The following FHIT variants were observed in gnomAD, a reference collection of about 807,000 sequenced individuals.
FHIT encodes fragile histidine triad diadenosine triphosphatase.
In FHIT, 19 loss-of-function variants were observed where a neutral mutation model predicts 17.9. The ratio of observed to expected loss-of-function variants is 1.06; its 90% confidence interval spans 0.74 to 1.56. FHIT has a LOEUF of 1.56. FHIT is among the 40% of genes most tolerant of loss of function. The pLI, the probability that FHIT is intolerant of heterozygous loss-of-function variation, is 0.00. For missense variants in FHIT, 248 were observed against 189.2 expected (o/e 1.31, Z -1.82); for synonymous variants, 81 against 69.7 (o/e 1.16, Z -0.81).
At chr3:60,225,264 G>C (rs73832509) in intron 5 of FHIT, among the ~76,000 whole-genome samples, 168 of 152,240 alleles carry the variant, frequency 1.1e-3, no homozygotes, top group African/African-American at 3.1e-3. Context: ...ATCCAGTGAC[G>C]TGGTTAACTA....
intron 3 of FHIT, among the ~76,000 whole-genome samples, chr3:60,873,289 T>C (rs2107080266): frequency 6.6e-6 from 1 of 152,318 alleles, no homozygotes; most frequent in Non-Finnish European, 1.5e-5. Context: ...TTGAAACTAT[T>C]GAGTGCTTTT....
rs1334854821 is a variant in FHIT at position 60,116,900 on chromosome 3, T to C, written c.104-102748A>G. On this transcript the variant is annotated intron_variant, in intron 5 of 9. Coordinates refer to ENST00000492590, the MANE Select transcript of FHIT (RefSeq NM_002012.4). Reference sequence around the variant, plus strand: ...AATTTCCCTTCTATTTTTTGAGTTATTTACCGCTAACAATCTCCCCTCTAG... The same window carrying C: ...AATTTCCCTTCTATTTTTTGAGTTACTTACCGCTAACAATCTCCCCTCTAG... Among the ~76,000 whole-genome samples, 4 of 152,248 alleles carry C rather than the reference T, an allele frequency of 2.6e-5. No individual in the cohort carries two copies. The East Asian group carries it at 7.7e-4, about 29-fold the overall frequency.
At chr3:61,053,096 G>C (rs1157294269) in intron 2 of FHIT, among the ~76,000 whole-genome samples, 1 of 152,118 alleles carries the variant, frequency 6.6e-6, no homozygotes, top group Admixed American at 6.5e-5. Context: ...AGAAGCACCA[G>C]GTGCCCCCGC....
chr3:59,781,834 G>A (rs1290549191), intron 8 of FHIT, among the ~76,000 whole-genome samples: 1 of 152,174 alleles, frequency 6.6e-6, no homozygotes, highest in Non-Finnish European at 1.5e-5. Flanking sequence ...CTACGGGATG[G>A]GGTAACCTTG....
At chr3:60,011,499 T>C in intron 6 of FHIT, 99 bp from the exon 7 acceptor site, 1 of 1,032,332 alleles carries the variant, frequency 9.7e-7, no homozygotes, top group South Asian at 1.3e-5. Context: ...GCAATTTCAT[T>C]GTGTGTTAAT....
intron 8 of FHIT, among the ~76,000 whole-genome samples, chr3:59,793,044 T>A (rs892342691): frequency 5.3e-5 from 8 of 151,946 alleles, no homozygotes; most frequent in Admixed American, 3.9e-4. Context: ...GGTCAGGGAG[T>A]GTATCTGCCC....
intron 7 of FHIT, among the ~76,000 whole-genome samples, chr3:60,001,136 A>G (rs972457166): frequency 6.6e-6 from 1 of 152,340 alleles, no homozygotes; most frequent in East Asian, 1.9e-4. Flanking sequence ...ATTAACCCAA[A>G]TCTGCAATAT....
At chr3:61,097,797 G>T (rs1450316454) in intron 2 of FHIT, among the ~76,000 whole-genome samples, 2 of 151,838 alleles carry the variant, frequency 1.3e-5, no homozygotes, top group Non-Finnish European at 2.9e-5. Context: ...TTTTAATGGG[G>T]TTGTTTTTCT....
intron 3 of FHIT, among the ~76,000 whole-genome samples, chr3:60,941,784 G>C (rs1708416595): frequency 6.6e-6 from 1 of 152,068 alleles, no homozygotes; most frequent in Non-Finnish European, 1.5e-5. Flanking sequence ...ACACTGCTTT[G>C]ATATATCATT....
intron 3 of FHIT, among the ~76,000 whole-genome samples, chr3:60,870,155 G>T (rs978246783): frequency 1.3e-5 from 2 of 152,068 alleles, no homozygotes; most frequent in Non-Finnish European, 2.9e-5. Context: ...TTTTCAGCAT[G>T]TATGAGCAAC....
intron 4 of FHIT, among the ~76,000 whole-genome samples, chr3:60,574,977 G>A (rs189863133): frequency 3.3e-5 from 5 of 151,942 alleles, no homozygotes; most frequent in East Asian, 1.9e-4. Flanking sequence ...TGGGAACATC[G>A]TTTGTGCCTG....
intron 5 of FHIT, among the ~76,000 whole-genome samples, chr3:60,272,449 G>A (rs1023474520): frequency 2.0e-5 from 3 of 152,162 alleles, no homozygotes; most frequent in Non-Finnish European, 4.4e-5. Context: ...AAAAGTCAGT[G>A]TGTGTCTGGG....
At chr3:60,284,033 T>C (rs984074501) in intron 5 of FHIT, among the ~76,000 whole-genome samples, 1 of 151,926 alleles carries the variant, frequency 6.6e-6, no homozygotes, top group African/African-American at 2.4e-5. Flanking sequence ...AGGGTCAGTA[T>C]GAATTAATAA....
In FHIT at chr3:60,968,260, G is replaced by T. The variant is rs1364069450; in HGVS notation, c.-111+73787C>A. ...TAGAATGCATAAACGTCACCTTGTG[G>T]CTTGTTAAAAACACAGATTCTTGCC... On this transcript the variant is annotated intron_variant, in intron 3 of 9. Coordinates refer to ENST00000492590, the MANE Select transcript of FHIT (RefSeq NM_002012.4). Among the ~76,000 whole-genome samples the T allele has an allele frequency of 3.3e-5, 5 of 152,286 alleles. No individual in the cohort carries two copies. The East Asian group carries it at 9.6e-4, about 29-fold the overall frequency.
chr3:60,447,911 G>C lies in FHIT; in HGVS notation c.103+88949C>G, dbSNP rs531329672. On this transcript the variant is annotated intron_variant, in intron 5 of 9. Transcript: ENST00000492590. Reference sequence around the variant, plus strand: ...GATTACCATGTGTTACCTCCAACTGGGACTTCCAATATTCCTGAAAATTCA... The same window carrying C: ...GATTACCATGTGTTACCTCCAACTGCGACTTCCAATATTCCTGAAAATTCA... Among the ~76,000 whole-genome samples, 12 of 152,194 alleles carry C rather than the reference G, an allele frequency of 7.9e-5. No homozygotes were observed. In the South Asian group the frequency reaches 2.3e-3, roughly 29 times the overall value.
At chr3:60,330,023 C>T (rs938061521) in intron 5 of FHIT, among the ~76,000 whole-genome samples, 5 of 152,142 alleles carry the variant, frequency 3.3e-5, no homozygotes, top group Non-Finnish European at 5.9e-5. Flanking sequence ...AACTTATAGC[C>T]GATTGTGGTA....
At chr3:59,804,015 G>C (rs1330006164) in intron 8 of FHIT, among the ~76,000 whole-genome samples, 1 of 152,172 alleles carries the variant, frequency 6.6e-6, no homozygotes, top group Non-Finnish European at 1.5e-5. Flanking sequence ...TCAGGGGTAG[G>C]GCTTCCAGCA....
chr3:60,950,024 A>T (rs980466674), intron 3 of FHIT, among the ~76,000 whole-genome samples: 12 of 152,230 alleles, frequency 7.9e-5, no homozygotes, highest in African/African-American at 2.7e-4. Context: ...AATGGAGCTA[A>T]AAAATTCCTA....
intron 5 of FHIT, among the ~76,000 whole-genome samples, chr3:60,105,854 G>A (rs1205335992): frequency 1.3e-5 from 2 of 152,140 alleles, no homozygotes; most frequent in Admixed American, 6.5e-5. Flanking sequence ...AGGAAAATTA[G>A]TAATGAGAGA....
Sources: allele counts gnomAD v4.1 joint callset (sites outside exome capture counted in the v4.1 genomes callset), GRCh38; gene constraint gnomAD v4.1.1; transcripts MANE v1.5; gene names NCBI Gene and HGNC (gene_info 2026-07-23, HGNC 2026-07-21).